SSH2: variants seen among roughly 807,000 people sequenced by gnomAD.
The protein encoded by SSH2 is protein phosphatase Slingshot homolog 2.
Under a neutral mutation model 135.2 loss-of-function variants are expected in SSH2, and 37 were observed. The observed-to-expected ratio is 0.27, with a 90% CI of 0.21 to 0.36. SSH2 has a LOEUF of 0.36. Among genes scored for constraint, SSH2 ranks in the 10% least tolerant of loss-of-function variants. The probability of loss-of-function intolerance (pLI) is 1.00; values close to 1 mark genes in which losing one functional copy is unlikely to be tolerated. For missense variants in SSH2, 1,408 were observed against 1,765.3 expected, an observed-to-expected ratio of 0.80 and a Z score of 3.63; for synonymous variants, 628 against 646.2, an observed-to-expected ratio of 0.97 and a Z score of 0.43.
intron 3 of SSH2, among the ~76,000 whole-genome samples, chr17:29,731,790 T>C (rs1428806096): frequency 6.6e-6 from 1 of 152,172 alleles, no homozygotes; most frequent in Non-Finnish European, 1.5e-5. Context: ...GCTGGGCTTC[T>C]CTGCAAATGT....
chr17:29,655,466 TAA>T lies in SSH2; in HGVS notation c.1079+93_1079+94del, dbSNP rs2036745130. 6 of 1,149,940 alleles carry T rather than the reference TAA, an allele frequency of 5.2e-6. No homozygotes were observed. In the East Asian group the frequency reaches 1.4e-4, roughly 27 times the overall value. The allele number at this position is 1,149,940 out of a possible 1,614,324, so 71.2% of individuals were successfully genotyped here. A position where few individuals can be genotyped will look rare whatever the true frequency, so the allele number is the denominator to read the frequency against. On this transcript the variant is annotated intron_variant, in intron 12 of 15. Transcript: ENST00000540801. ...ATCAGTCAGATGCAACTCTTAAGAT[TAA>T]AGTTACCCACTGATACCTCTTTGAT...
chr17:29,820,534 G>C (rs2042633974), intron 2 of SSH2, among the ~76,000 whole-genome samples: 2 of 152,110 alleles, frequency 1.3e-5, no homozygotes, highest in Non-Finnish European at 2.9e-5. Context: ...CTACAAATAG[G>C]AAATACAATA....
At chr17:29,868,319 T>C (rs1237760164) in intron 1 of SSH2, among the ~76,000 whole-genome samples, 1 of 152,152 alleles carries the variant, frequency 6.6e-6, no homozygotes, top group African/African-American at 2.4e-5. Context: ...GAAGCCCAAT[T>C]ACACATTTTG....
chr17:29,840,819 C>T (rs967533281), intron 2 of SSH2, among the ~76,000 whole-genome samples: 3 of 152,196 alleles, frequency 2.0e-5, no homozygotes, highest in African/African-American at 7.2e-5. Context: ...ATTCTAACAA[C>T]TCCATGGGAT....
chr17:29,928,657 C>CA (rs1297009893), intron 1 of SSH2: 6 of 397,896 alleles, frequency 1.5e-5, no homozygotes, highest in Non-Finnish European at 2.7e-5. Flanking sequence ...TTTCATCACA[C>CA]AAAATGCAAT....
At chr17:29,643,746 G>A (rs971209555) in intron 14 of SSH2, among the ~76,000 whole-genome samples, 25 of 152,132 alleles carry the variant, frequency 1.6e-4, no homozygotes, top group Middle Eastern at 3.4e-3. Flanking sequence ...CACCCGCCTC[G>A]GCCTCCCAAA....
intron 7 of SSH2, among the ~76,000 whole-genome samples, chr17:29,677,224 A>G (rs2037757412): frequency 6.7e-6 from 1 of 149,632 alleles, no homozygotes; most frequent in Non-Finnish European, 1.5e-5. Context: ...TATAAACTGG[A>G]GCAAACATCT....
chr17:29,904,509 A>T (rs963308737), intron 1 of SSH2, among the ~76,000 whole-genome samples: 3 of 152,188 alleles, frequency 2.0e-5, no homozygotes, highest in Admixed American at 6.5e-5. Flanking sequence ...CCTCAAAATA[A>T]TAAGAGCCAT....
At chr17:29,657,092 G>C (rs1288308352) in intron 11 of SSH2, among the ~76,000 whole-genome samples, 1 of 152,022 alleles carries the variant, frequency 6.6e-6, no homozygotes, top group Admixed American at 6.6e-5. Context: ...TCAGCCTCCT[G>C]AGTAGCTGGG....
At chr17:29,913,317 CAAAAAA>C (rs1207663146) in intron 1 of SSH2, among the ~76,000 whole-genome samples, 2 of 3,428 alleles carry the variant, frequency 5.8e-4, no homozygotes, top group Admixed American at 0.011. Context: ...GACGCCATCT[CAAAAAA>C]AAAAAAAAAA....
At chr17:29,759,782 T>C (rs1051552168) in intron 3 of SSH2, among the ~76,000 whole-genome samples, 1 of 152,252 alleles carries the variant, frequency 6.6e-6, no homozygotes, top group Non-Finnish European at 1.5e-5. Context: ...TATTCTACTA[T>C]ATGTACATAC....
chr17:29,666,905 T>C lies in SSH2; in HGVS notation c.994A>G (p.Met332Val), dbSNP rs139722017. 2 of 1,614,166 alleles carry C rather than the reference T, an allele frequency of 1.2e-6. No individual in the cohort carries two copies. The highest frequency in any genetic ancestry group is 1.7e-6 in the Non-Finnish European group (2 of 1,180,016). Residue 332 changes from methionine to valine, a missense_variant, in exon 11 of 16, where the codon ATG (methionine) becomes GTG (valine). Coordinates refer to ENST00000540801, the MANE Select transcript of SSH2 (RefSeq NM_001282129.2). ...DNEMIVILGQMDSPTQIFEHV... is the reference protein window; with the variant it reads ...DNEMIVILGQVDSPTQIFEHV... ...TCAAATATCTGTGTAGGGCTATCCA[T>C]TTGACCAAGGATCACTATCATTTCA...
chr17:29,769,869 G>A (rs1035150956), intron 3 of SSH2, among the ~76,000 whole-genome samples: 1 of 152,024 alleles, frequency 6.6e-6, no homozygotes, highest in African/African-American at 2.4e-5. Context: ...AAATGAATGA[G>A]TTAAATAACT....
intron 3 of SSH2, among the ~76,000 whole-genome samples, chr17:29,773,424 TG>T (rs1785635895): frequency 6.6e-6 from 1 of 152,194 alleles, no homozygotes; most frequent in African/African-American, 2.4e-5. Context: ...GGAAATCTTT[TG>T]TTTTTCAGAA....
At chr17:29,923,820 C>T (rs909268166) in intron 1 of SSH2, among the ~76,000 whole-genome samples, 1 of 152,010 alleles carries the variant, frequency 6.6e-6, no homozygotes, top group Non-Finnish European at 1.5e-5. Flanking sequence ...AAGGCAGAAT[C>T]GCTTGAACCC....
chr17:29,711,335 G>A (rs2039425606), intron 3 of SSH2, among the ~76,000 whole-genome samples: 1 of 152,144 alleles, frequency 6.6e-6, no homozygotes, highest in African/African-American at 2.4e-5. Context: ...AAACTTCCTG[G>A]TCTTTTCACT....
At chr17:29,650,571 T>G (rs959400648) in intron 13 of SSH2, 83 bp downstream of exon 13, 3 of 1,306,306 alleles carry the variant, frequency 2.3e-6, no homozygotes, top group Non-Finnish European at 3.1e-6. Context: ...CATCAGTAAG[T>G]TGTCTATAGC....
Position 29,873,206 on chromosome 17 carries a change from G to C in SSH2, c.64-24277C>G, listed in dbSNP as rs571562489. ...AAGCCAAGAGAAATGGAATTGGGTA[G>C]GATTGGTTTTAATATGACTTTTAAA... On this transcript the variant is annotated intron_variant, in intron 1 of 15. Transcript: ENST00000540801. Among the ~76,000 whole-genome samples the C allele has an allele frequency of 1.3e-4, 20 of 152,178 alleles. No individual in the cohort carries two copies. The South Asian group carries it at 3.9e-3, about 30-fold the overall frequency.
rs537994524 is a variant in SSH2, at chr17:29,823,242, T to A, written c.144+25607A>T. 7.1e-4 allele frequency among the ~76,000 whole-genome samples: 108 copies of A among 152,336 alleles called. 2 individuals carry two copies. The South Asian group carries it at 0.02, about 29-fold the overall frequency. ...AAATAAATAATAGTTTCATATTTTT[T>A]AAAAACATATGAGGCATTGGAAATA... On this transcript the variant is annotated intron_variant, in intron 2 of 15. Transcript: ENST00000540801.
Sources: allele counts gnomAD v4.1 joint callset (sites outside exome capture counted in the v4.1 genomes callset), GRCh38; gene constraint gnomAD v4.1.1; transcripts MANE v1.5; gene names NCBI Gene and HGNC (gene_info 2026-07-23, HGNC 2026-07-21).